The following ACAP3 variants were observed in gnomAD, a reference collection of about 807,000 sequenced individuals.
The protein encoded by ACAP3 is arf-GAP with coiled-coil, ANK repeat and PH domain-containing protein 3.
ACAP3 carries 56 observed loss-of-function variants against 104.1 expected under a neutral mutation model. That is an observed-to-expected ratio of 0.54 (90% CI 0.43 to 0.67). The LOEUF (loss-of-function observed/expected upper bound fraction) is 0.67, where lower values mean the gene tolerates loss of function less well. Ranked by LOEUF, ACAP3 falls within the 30% of genes least tolerant of loss-of-function variation. ACAP3 has a pLI of 0.00. For missense variants in ACAP3, 1,208 were observed against 1,174.9 expected (o/e 1.03, Z -0.41); for synonymous variants, 628 against 496.2 (o/e 1.27, Z -3.53).
chr1:1,300,304 C>G, intron 6 of ACAP3, 102 bp from the exon 7 acceptor site: 1 of 1,411,440 alleles, frequency 7.1e-7, no homozygotes, highest in Non-Finnish European at 9.5e-7. Context: ...TTCCCTGAGA[C>G]CCCCAGGTCG....
intron 14 of ACAP3, 119 bp from the exon 15 acceptor site, chr1:1,296,752 C>T (rs952048997): frequency 4.7e-5 from 50 of 1,053,524 alleles, no homozygotes; most frequent in African/African-American, 3.1e-4. Flanking sequence ...AGCACACGCC[C>T]GCACACGCAC....
At chr1:1,294,679 C>A (rs1311933186) in intron 20 of ACAP3, 39 bp downstream of exon 20, 1 of 1,544,906 alleles carries the variant, frequency 6.5e-7, no homozygotes, top group Non-Finnish European at 8.7e-7. Flanking sequence ...TGCCCAGGGG[C>A]TGGGCAGGGG....
chr1:1,302,354 G>T (rs915717891), intron 4 of ACAP3, among the ~76,000 whole-genome samples: 1 of 152,148 alleles, frequency 6.6e-6, no homozygotes, highest in Non-Finnish European at 1.5e-5. Flanking sequence ...CCACCCTGGG[G>T]TGCCCATCCC....
In ACAP3 at chr1:1,304,500, C is replaced by A. The variant is rs1641597455; in HGVS notation, c.48-357G>T. On this transcript the variant is annotated intron_variant, in intron 1 of 23. Transcript: ENST00000354700. Reference sequence around the variant, plus strand: ...TAGGAGTTCAGAGTCAACCCTGGACCCATCTGGAGCCCCTCAACCCTGCGG... The same window carrying A: ...TAGGAGTTCAGAGTCAACCCTGGACACATCTGGAGCCCCTCAACCCTGCGG... 16 of 384,140 alleles carry A rather than the reference C, an allele frequency of 4.2e-5. 1 individual carries two copies. Among genetic ancestry groups the A allele is most frequent in the South Asian group, 4.0e-4 (15 of 37,776 alleles). 23.8% of individuals were successfully genotyped at this position (384,140 alleles called of 1,614,324 possible).
intron 1 of ACAP3, 154 bp from the exon 2 acceptor site, chr1:1,304,297 C>G (rs1275579779): frequency 9.7e-6 from 9 of 925,232 alleles, no homozygotes; most frequent in African/African-American, 1.6e-5. Flanking sequence ...GGGGGCAGGA[C>G]TGGGACCAGG....
At position 1,296,554 on chromosome 1, in the gene ACAP3, T is replaced by C. The variant is rs2100418515; in HGVS notation, c.1208A>G (p.Glu403Gly). The C allele has an allele frequency of 1.3e-6, 2 of 1,539,582 alleles. No individual in the cohort carries two copies. Among genetic ancestry groups the C allele is most frequent in the Non-Finnish European group, 1.7e-6 (2 of 1,146,674 alleles). The change falls in exon 15 of 24, where the codon GAG (glutamate) becomes GGG (glycine). Residue 403 changes from glutamate to glycine, a missense_variant. Coordinates refer to ENST00000354700, the MANE Select transcript of ACAP3 (RefSeq NM_030649.3). ...ACTCTGCACACGCTGCAGCACACTCTCGCCCTTCACGCCACGCTCCCGAGT... is the reference window on the plus strand; with the variant it reads ...ACTCTGCACACGCTGCAGCACACTCCCGCCCTTCACGCCACGCTCCCGAGT... The part of the protein sequence containing the change: ...TDTRERGVKG[E>G]SVLQRVQSVA...
At chr1:1,297,202 T>C (rs1242305229) in intron 14 of ACAP3, among the ~76,000 whole-genome samples, 20 of 113,314 alleles carry the variant, frequency 1.8e-4, no homozygotes, top group Non-Finnish European at 2.6e-4. Context: ...CACGTGTGTG[T>C]GTGCACAGGC....
rs200974083 is a variant in ACAP3 at position 1,293,976 on chromosome 1, C to T, written c.2250-43G>A. On this transcript the variant is annotated intron_variant, in intron 22 of 23. Transcript: ENST00000354700. ...AGGGGCGTGTCGGGGCGGGGCGGGGCGGGGCGAGTGTGGTCGCGGGGGCGT... is the reference window on the plus strand; with the variant it reads ...AGGGGCGTGTCGGGGCGGGGCGGGGTGGGGCGAGTGTGGTCGCGGGGGCGT... 5,157 of 727,904 alleles carry T rather than the reference C, an allele frequency of 7.1e-3. 166 individuals are homozygous for T. In the African/African-American group the frequency reaches 0.08, roughly 11 times the overall value. 45.1% of individuals were successfully genotyped at this position (727,904 alleles called of 1,614,324 possible). A position where few individuals can be genotyped will look rare whatever the true frequency, so the allele number is the denominator to read the frequency against.
In ACAP3 at chr1:1,303,171, G is replaced by T. The variant is rs529660237; in HGVS notation, c.216C>A (p.Thr72=). ...TCAGTCGGCCCCTCACCGAGATGAC[G>T]GTGTCGCCCTGGCACTGCTGGGACA... is the stretch of plus-strand genomic sequence containing the variant. The part of the protein sequence containing the change: ...RDLSQQCQGD[T]VISECLQRFA... Residue 72 remains threonine, a synonymous_variant, in exon 3 of 24, where the codon ACC becomes ACA. Transcript: ENST00000354700. The surrounding 1 kb of genome is among the most constrained non-coding windows in gnomAD (Gnocchi z 4.0). The T allele has an allele frequency of 6.2e-6, 10 of 1,601,856 alleles. No homozygotes were observed. The South Asian group carries it at 9.0e-5, about 14-fold the overall frequency.
rs766737326 is a variant in ACAP3 at position 1,296,283 on chromosome 1, G to A, written c.1338-3C>T. On this transcript the variant is annotated splice_polypyrimidine_tract_variant and splice_region_variant and intron_variant, in intron 15 of 23. Coordinates refer to ENST00000354700, the MANE Select transcript of ACAP3 (RefSeq NM_030649.3). ...TGGAGCAGTGGACACCCAGGCTCCT[G>A]GAGAGCAGAGGTAGGGATGAGTCTG... The A allele has an allele frequency of 8.4e-6, 13 of 1,555,376 alleles. No individual in the cohort carries two copies. Among genetic ancestry groups the A allele is most frequent in the South Asian group, 2.4e-5 (2 of 84,674 alleles).
Position 1,293,606 on chromosome 1 carries a change from C to T in ACAP3, c.2463G>A (p.Arg821=). The T allele has an allele frequency of 6.7e-7, 1 of 1,494,586 alleles. No individual in the cohort carries two copies. Among genetic ancestry groups the T allele is most frequent in the South Asian group, 1.2e-5 (1 of 81,534 alleles). 92.6% of individuals were successfully genotyped at this position (1,494,586 alleles called of 1,614,324 possible). The change falls in exon 24 of 24, where the codon AGG becomes AGA. Residue 821 remains arginine, a synonymous_variant. Coordinates refer to ENST00000354700, the MANE Select transcript of ACAP3 (RefSeq NM_030649.3). ...AGSPTELQFR[R]CIQEFISLHL... is the part of the protein sequence containing the mutation. Reference sequence around the variant, plus strand: ...GGAGGCTGATGAACTCCTGGATACACCTGCGGAACTGGAGCTCCGTGGGGC... The same window carrying T: ...GGAGGCTGATGAACTCCTGGATACATCTGCGGAACTGGAGCTCCGTGGGGC...
In ACAP3 at chr1:1,298,484, GCCCCCACCTGAGGACCCCA is replaced by G; in HGVS notation, c.863+64_864-64del. 3.2e-6 allele frequency: 5 copies of G among 1,559,288 alleles called. No homozygotes were observed. In the South Asian group the frequency reaches 3.5e-5, roughly 11 times the overall value. On this transcript the variant is annotated intron_variant, in intron 11 of 23. Transcript: ENST00000354700. The stretch of plus-strand genomic sequence containing the variant: ...CCATCCCAGGGCTGCTGTGACCCCT[GCCCCCACCTGAGGACCCCA>G]CCCCCGCCTGAGGACCCCACCCCCG...
chr1:1,302,166 C>A, intron 4 of ACAP3, 120 bp from the exon 5 acceptor site: 1 of 888,544 alleles, frequency 1.1e-6, no homozygotes, highest in Non-Finnish European at 1.6e-6. Flanking sequence ...GCGGGTCCCA[C>A]CCTGCAGGGC....
chr1:1,298,599 C>T lies in ACAP3; in HGVS notation c.831G>A (p.Lys277=), dbSNP rs1247276966. The T allele has an allele frequency of 1.2e-6, 2 of 1,612,174 alleles. No homozygotes were observed. Among genetic ancestry groups the T allele is most frequent in the Admixed American group, 3.3e-5 (2 of 59,970 alleles). ...ATGTCTTGAAAGCGTTGCTGGCCCT[C>T]TTGAAGAGGTAGCCCTCCATCACCA... ...SGVVMEGYLF[K]RASNAFKTWN... is the part of the protein sequence containing the mutation. Residue 277 remains lysine, a synonymous_variant, in exon 11 of 24, where the codon AAG becomes AAA. Coordinates refer to ENST00000354700, the MANE Select transcript of ACAP3 (RefSeq NM_030649.3).
chr1:1,302,847 C>T (rs1466790245), intron 4 of ACAP3, 75 bp downstream of exon 4: 9 of 1,214,292 alleles, frequency 7.4e-6, no homozygotes, highest in East Asian at 3.9e-5. Flanking sequence ...AACCCGACGC[C>T]GGCCTTCAGG....
At position 1,296,649 on chromosome 1, in the gene ACAP3, G is replaced by A; in HGVS notation, c.1129-16C>T. On this transcript the variant is annotated splice_polypyrimidine_tract_variant and intron_variant, in intron 14 of 23. Coordinates refer to ENST00000354700, the MANE Select transcript of ACAP3 (RefSeq NM_030649.3). ...GGTCCAGCCTCTGGAGGATGGGGTG[G>A]AGCTGCTCGGTCCCGCAGGGGCTCC... 2 of 1,527,338 alleles carry A rather than the reference G, an allele frequency of 1.3e-6. No homozygotes were observed. The highest frequency in any genetic ancestry group is 2.5e-5 in the East Asian group (1 of 40,658). 94.6% of individuals were successfully genotyped at this position (1,527,338 alleles called of 1,614,324 possible).
chr1:1,304,242 G>C (rs1641583401), intron 1 of ACAP3, 99 bp from the exon 2 acceptor site: 6 of 1,427,874 alleles, frequency 4.2e-6, no homozygotes, highest in Non-Finnish European at 5.7e-6. Flanking sequence ...ACCATGGGAA[G>C]GGGCTTTCAG....
chr1:1,303,857 G>GC lies in ACAP3; in HGVS notation c.105+228dup. On this transcript the variant is annotated intron_variant, in intron 2 of 23. Transcript: ENST00000354700. This position sits in a 1 kb window ranked among gnomAD's most constrained non-coding sequence, Gnocchi z 4.0. ...CACCGTGGGTCGGGGACTCACCACAGCCCAGCCCCTCCCAGATGGGACGAG... is the reference window on the plus strand; with the variant it reads ...CACCGTGGGTCGGGGACTCACCACAGCCCCAGCCCCTCCCAGATGGGACGAG... 1 of 613,780 alleles carries GC rather than the reference G, an allele frequency of 1.6e-6. No individual in the cohort carries two copies. The highest frequency in any genetic ancestry group is 2.9e-6 in the Non-Finnish European group (1 of 350,310). 38.0% of individuals were successfully genotyped at this position (613,780 alleles called of 1,614,324 possible).
intron 1 of ACAP3, chr1:1,304,445 G>T: frequency 1.9e-6 from 1 of 522,102 alleles, no homozygotes; most frequent in East Asian, 3.4e-5. Context: ...TGCCCACCAA[G>T]GGCTGAGCCA....
Sources: allele counts gnomAD v4.1 joint callset (sites outside exome capture counted in the v4.1 genomes callset), GRCh38; gene constraint gnomAD v4.1.1; non-coding constraint Gnocchi (gnomAD v3.1); transcripts MANE v1.5; gene names NCBI Gene and HGNC (gene_info 2026-07-23, HGNC 2026-07-21).